Variants in ZNF408 observed in about 807,000 individuals in gnomAD.
The protein encoded by ZNF408 is zinc finger protein 408, also known as PR domain zinc finger protein 17.
ZNF408 carries 24 observed loss-of-function variants against 27.6 expected under a neutral mutation model. That is an observed-to-expected ratio of 0.87 (90% CI 0.63 to 1.22). ZNF408 has a LOEUF of 1.22. Ranked by LOEUF, ZNF408 falls within the 50% of genes most tolerant of loss-of-function variation. ZNF408 has a pLI of 0.00. For missense variants in ZNF408, 897 were observed against 949.0 expected (o/e 0.95, Z 0.72); for synonymous variants, 410 against 396.1 (o/e 1.04, Z -0.42).
chr11:46,703,294 C>A (rs2064724610), intron 4 of ZNF408, 51 bp downstream of exon 4: 1 of 1,565,414 alleles, frequency 6.4e-7, no homozygotes, highest in African/African-American at 1.3e-5. Context: ...ACCAAAACAA[C>A]CTGTTGATAA....
chr11:46,702,133 C>T (rs1223724767), intron 2 of ZNF408, among the ~76,000 whole-genome samples: 1 of 152,152 alleles, frequency 6.6e-6, no homozygotes, highest in African/African-American at 2.4e-5. Flanking sequence ...CTTGCTTTGT[C>T]GCCCAGGCTG....
At chr11:46,704,323 T>C (rs1478732242) in intron 4 of ZNF408, 30 bp from the exon 5 acceptor site, 1 of 1,553,270 alleles carries the variant, frequency 6.4e-7, no homozygotes, top group African/African-American at 1.4e-5. Context: ...TGAAGCTCCC[T>C]AAACCCAGTA....
At position 46,701,496 on chromosome 11, in the gene ZNF408, C is replaced by T; in HGVS notation, c.150C>T (p.Asp50=). The change falls in exon 2 of 5, where the codon GAC becomes GAT. Residue 50 remains aspartate, a synonymous_variant. Transcript: ENST00000311764. The part of the protein sequence containing the change: ...LKDVPPEPTR[D]ILALKSLPRG... The stretch of plus-strand genomic sequence containing the variant: ...ACGTCCCACCCGAGCCGACCCGAGA[C>T]ATCCTCGCTTTAAAGAGCCTTCCCC... 4 of 1,614,116 alleles carry T rather than the reference C, an allele frequency of 2.5e-6. No individual in the cohort carries two copies. Among genetic ancestry groups the T allele is most frequent in the Non-Finnish European group, 2.5e-6 (3 of 1,180,042 alleles).
chr11:46,701,676 G>A lies in ZNF408; in HGVS notation c.330G>A (p.Glu110=). The change falls in exon 2 of 5, where the codon GAG becomes GAA. Residue 110 remains glutamate (E), a splice_region_variant and synonymous_variant. Coordinates refer to ENST00000311764, the MANE Select transcript of ZNF408 (RefSeq NM_024741.3). Reference sequence around the variant, plus strand: ...AGGGAGTAAAGCCACGGCAGGAGGAGGTATTGAAGGATAGAGCGACTTCCC... The same window carrying A: ...AGGGAGTAAAGCCACGGCAGGAGGAAGTATTGAAGGATAGAGCGACTTCCC... ...KGEGVKPRQE[E]NLSLGPWGDV... 1 of 1,565,398 alleles carries A rather than the reference G, an allele frequency of 6.4e-7. No homozygotes were observed. The highest frequency in any genetic ancestry group is 1.1e-5 in the South Asian group (1 of 87,892).
rs762795295 is a variant in ZNF408 at position 46,701,183 on chromosome 11, T to C, written c.52+84T>C. 2.5e-6 allele frequency: 4 copies of C among 1,606,812 alleles called. No homozygotes were observed. In the South Asian group the frequency reaches 4.4e-5, roughly 18 times the overall value. On this transcript the variant is annotated intron_variant, in intron 1 of 4. Transcript: ENST00000311764. ...GTGGTCAGCTTTCTCCTCAGTCTTC[T>C]CTCCTCCGGATCCCAGGATCCTCCA...
At chr11:46,701,173 C>G (rs748057822) in intron 1 of ZNF408, 74 bp downstream of exon 1, 1 of 1,611,094 alleles carries the variant, frequency 6.2e-7, no homozygotes, top group East Asian at 2.2e-5. Flanking sequence ...CAGCTTTCTC[C>G]TCAGTCTTCT....
Position 46,703,175 on chromosome 11 carries a change from C to G in ZNF408, c.584C>G (p.Thr195Arg). The G allele has an allele frequency of 8.6e-7, 1 of 1,156,108 alleles. No homozygotes were observed. Among genetic ancestry groups the G allele is most frequent in the African/African-American group, 1.4e-5 (1 of 71,028 alleles). 71.6% of individuals were successfully genotyped at this position (1,156,108 alleles called of 1,614,324 possible). ...LDKEAAVAVV[T>R]EVESAVQQEV... ...AAAGAGGCAGCTGTAGCAGTGGTGA[C>G]AGAAGTGGAGTCTGCTGTACAGCAG... Residue 195 changes from threonine (T) to arginine (R), a missense_variant, in exon 4 of 5, where the codon ACA (threonine) becomes AGA (arginine). Thr to Arg is a moderately conservative substitution (Grantham distance 71). Transcript: ENST00000311764.
At chr11:46,703,758 G>GGTTT (rs2064728394) in intron 4 of ZNF408, among the ~76,000 whole-genome samples, 1 of 94,174 alleles carries the variant, frequency 1.1e-5, no homozygotes, top group African/African-American at 4.7e-5. Flanking sequence ...TGTTGTTGTT[G>GGTTT]TTGTTGTTGT....
intron 2 of ZNF408, 146 bp downstream of exon 2, chr11:46,701,822 TCAG>T: frequency 9.7e-7 from 1 of 1,026,166 alleles, no homozygotes; most frequent in Non-Finnish European, 1.3e-6. Context: ...CTGTCTCCTC[TCAG>T]CAGCAGTAGT....
At chr11:46,703,766 T>G (rs2064729140) in intron 4 of ZNF408, among the ~76,000 whole-genome samples, 2 of 81,380 alleles carry the variant, frequency 2.5e-5, no homozygotes, top group Non-Finnish European at 5.0e-5. Flanking sequence ...TTGTTGTTGT[T>G]GTTGTTTTTT....
chr11:46,701,527 T>G lies in ZNF408; in HGVS notation c.181T>G (p.Leu61Val). The G allele has an allele frequency of 6.2e-7, 1 of 1,613,698 alleles. No homozygotes were observed. The stretch of plus-strand genomic sequence containing the variant: ...CGCTTTAAAGAGCCTTCCCCGGGGC[T>G]TGGCCCTTGGCCCCTCACTCGCCAA... ...ILALKSLPRG[L>V]ALGPSLAKEQ... Residue 61 changes from leucine (L) to valine (V), a missense_variant, in exon 2 of 5, where the codon TTG becomes GTG. Transcript: ENST00000311764.
rs1016856888 is a variant in ZNF408 at position 46,704,978 on chromosome 11, G to A, written c.1278G>A (p.Glu426=). The part of the protein sequence containing the change: ...KAYGTQRDLK[E]HQVVHSGARP... ...ATGGCACCCAGCGAGACCTCAAAGA[G>A]CACCAGGTGGTACATTCAGGTGCCC... Residue 426 remains glutamate, a synonymous_variant, in exon 5 of 5, where the codon GAG becomes GAA. Transcript: ENST00000311764. The A allele has an allele frequency of 5.6e-6, 9 of 1,613,460 alleles. No individual in the cohort carries two copies. The highest frequency in any genetic ancestry group is 1.7e-5 in the Admixed American group (1 of 60,006).
intron 2 of ZNF408, 59 bp from the exon 3 acceptor site, chr11:46,702,645 T>TTTA: frequency 6.4e-7 from 1 of 1,555,754 alleles, no homozygotes; most frequent in Non-Finnish European, 8.8e-7. Flanking sequence ...AGTTTCTTTT[T>TTTA]TTATTCCTAC....
intron 4 of ZNF408, among the ~76,000 whole-genome samples, chr11:46,703,987 C>T (rs916698154): frequency 6.6e-6 from 1 of 151,782 alleles, no homozygotes; most frequent in African/African-American, 2.4e-5. Context: ...CTGTCTCTGC[C>T]TCCCAAGATG....
Position 46,701,705 on chromosome 11 carries a change from G to T in ZNF408, c.330+29G>T, listed in dbSNP as rs746355249. 7 of 1,500,484 alleles carry T rather than the reference G, an allele frequency of 4.7e-6. No individual in the cohort carries two copies. In the South Asian group the frequency reaches 6.3e-5, roughly 14 times the overall value. The allele number at this position is 1,500,484 out of a possible 1,614,324, so 92.9% of individuals were successfully genotyped here. A position where few individuals can be genotyped will look rare whatever the true frequency, so the allele number is the denominator to read the frequency against. Reference sequence around the variant, plus strand: ...TTGAAGGATAGAGCGACTTCCCTCCGCCCTTGAAAATGTAGGGGAGGTTTG... The same window carrying T: ...TTGAAGGATAGAGCGACTTCCCTCCTCCCTTGAAAATGTAGGGGAGGTTTG... On this transcript the variant is annotated intron_variant, in intron 2 of 4. Transcript: ENST00000311764.
At position 46,703,308 on chromosome 11, in the gene ZNF408, A is replaced by C. The variant is rs538881777; in HGVS notation, c.652+65A>C. ...CACCAAAACAACCTGTTGATAAGAC[A>C]AAGCAGAGTTTATGGCTCATTGCGG... On this transcript the variant is annotated intron_variant, in intron 4 of 4. Transcript: ENST00000311764. 9 of 1,537,512 alleles carry C rather than the reference A, an allele frequency of 5.9e-6. No individual in the cohort carries two copies. In the East Asian group the frequency reaches 1.9e-4, roughly 32 times the overall value.
At chr11:46,703,342 G>C in intron 4 of ZNF408, 99 bp downstream of exon 4, 1 of 1,418,304 alleles carries the variant, frequency 7.1e-7, no homozygotes, top group Non-Finnish European at 9.4e-7. Context: ...GGTAAGGAAG[G>C]ACACTATAGA....
At position 46,705,699 on chromosome 11, in the gene ZNF408, G is replaced by T; in HGVS notation, c.1999G>T (p.Val667Phe). ...QLLDTHREEE[V>F]SPARDVVEVT... is the part of the protein sequence containing the mutation. ...GCTGGACACACACAGAGAGGAGGAA[G>T]TCTCCCCCGCCAGGGATGTTGTTGA... Residue 667 changes from valine to phenylalanine, a missense_variant, in exon 5 of 5, where the codon GTC becomes TTC. Transcript: ENST00000311764. This position sits in a 1 kb window ranked among gnomAD's most constrained non-coding sequence, Gnocchi z 6.5. 6.2e-7 allele frequency: 1 copy of T among 1,613,772 alleles called. No individual in the cohort carries two copies. Among genetic ancestry groups the T allele is most frequent in the East Asian group, 2.2e-5 (1 of 44,868 alleles).
chr11:46,705,299 C>A lies in ZNF408; in HGVS notation c.1599C>A (p.Phe533Leu), dbSNP rs765845582. 12 of 1,612,078 alleles carry A rather than the reference C, an allele frequency of 7.4e-6. No homozygotes were observed. The highest frequency in any genetic ancestry group is 1.0e-5 in the Non-Finnish European group (12 of 1,179,956). ...PYRCPHCADAFPQLPELRRHL... is the reference protein window; with the variant it reads ...PYRCPHCADALPQLPELRRHL... ...GCTGCCCACACTGTGCCGATGCCTT[C>A]CCCCAGCTGCCTGAACTGCGGCGCC... The change falls in exon 5 of 5, where the codon TTC (phenylalanine) becomes TTA (leucine). Residue 533 changes from phenylalanine to leucine, a missense_variant. By Grantham distance (22) the Phe-to-Leu change is conservative. Transcript: ENST00000311764. This position sits in a 1 kb window ranked among gnomAD's most constrained non-coding sequence, Gnocchi z 6.5.
Sources: gnomAD v4.1 joint callset for allele counts (sites outside exome capture counted in the v4.1 genomes callset) on GRCh38, gnomAD v4.1.1 for gene constraint, Gnocchi (gnomAD v3.1) non-coding constraint, MANE v1.5 for transcripts, NCBI Gene and HGNC (gene_info 2026-07-23, HGNC 2026-07-21) for gene names.